AIM2: variants seen among roughly 807,000 people sequenced by gnomAD.
AIM2 encodes the protein interferon-inducible protein AIM2.
Under a neutral mutation model 27.7 loss-of-function variants are expected in AIM2, and 30 were observed. That is an observed-to-expected ratio of 1.08 (90% CI 0.81 to 1.47). The LOEUF (loss-of-function observed/expected upper bound fraction) is 1.47, where lower values mean the gene tolerates loss of function less well. Among genes scored for constraint, AIM2 ranks in the 40% most tolerant of loss-of-function variants. The pLI is 0.00. For missense variants in AIM2, 358 were observed against 411.3 expected, an observed-to-expected ratio of 0.87 and a Z score of 1.12; for synonymous variants, 141 against 145.3, an observed-to-expected ratio of 0.97 and a Z score of 0.21.
chr1:159,142,601 T>TC (rs997353410), upstream of AIM2, among the ~76,000 whole-genome samples: 3 of 152,190 alleles, frequency 2.0e-5, no homozygotes, highest in African/African-American at 4.8e-5. Context: ...CAAGGATTTC[T>TC]CAGCTGTCTG....
At chr1:159,115,113 A>G (rs1341677950) in intron 1 of AIM2, among the ~76,000 whole-genome samples, 6 of 152,192 alleles carry the variant, frequency 3.9e-5, no homozygotes, top group Non-Finnish European at 7.3e-5. Context: ...ATACCTAGGA[A>G]TCCAACTTAC....
chr1:159,075,981 G>C (rs758325549), intron 1 of AIM2, among the ~76,000 whole-genome samples: 1 of 152,088 alleles, frequency 6.6e-6, no homozygotes, highest in African/African-American at 2.4e-5. Flanking sequence ...GTTGGTAAGC[G>C]CTGGAGAAAC....
At chr1:159,128,568 T>A (rs751745935) in intron 1 of AIM2, among the ~76,000 whole-genome samples, 3 of 152,182 alleles carry the variant, frequency 2.0e-5, no homozygotes, top group Non-Finnish European at 4.4e-5. Flanking sequence ...TCTTCACCTC[T>A]ATGGCCTTCC....
intron 1 of AIM2, among the ~76,000 whole-genome samples, chr1:159,130,216 T>C (rs575775505): frequency 5.3e-5 from 8 of 152,324 alleles, no homozygotes; most frequent in Non-Finnish European, 1.2e-4. Flanking sequence ...AAATGATGGG[T>C]TCCTCAGGGC....
At chr1:159,076,057 A>G (rs1656595652) in intron 1 of AIM2, among the ~76,000 whole-genome samples, 2 of 152,314 alleles carry the variant, frequency 1.3e-5, no homozygotes, top group African/African-American at 4.8e-5. Context: ...TTTCAAAATA[A>G]GGAATACATT....
chr1:159,112,673 T>A (rs1242540067), intron 1 of AIM2, among the ~76,000 whole-genome samples: 1 of 152,106 alleles, frequency 6.6e-6, no homozygotes, highest in African/African-American at 2.4e-5. Context: ...TCTAATTTGT[T>A]CCCTAAACCG....
At position 159,073,428 on chromosome 1, in the gene AIM2, C is replaced by T; in HGVS notation, c.72G>A (p.Arg24=). Residue 24 remains arginine, a synonymous_variant, in exon 2 of 6, where the codon AGG becomes AGA. Transcript: ENST00000368130. ...LDNITDEELD[R]FKFFLSDEFN... ...ACTCGTCTGAAAGAAAGAACTTAAA[C>T]CTATCCAGTTCCTCATCAGTGATGT... The T allele has an allele frequency of 1.2e-6, 2 of 1,614,090 alleles. No homozygotes were observed. Among genetic ancestry groups the T allele is most frequent in the Non-Finnish European group, 1.7e-6 (2 of 1,180,012 alleles).
intron 1 of AIM2, among the ~76,000 whole-genome samples, chr1:159,088,061 T>C (rs1656958686): frequency 2.6e-5 from 4 of 152,174 alleles, no homozygotes; most frequent in Admixed American, 2.6e-4. Context: ...AAAGATTTAA[T>C]ATAACTGGTG....
At chr1:159,116,585 A>C (rs1166548348) in intron 1 of AIM2, among the ~76,000 whole-genome samples, 3 of 152,174 alleles carry the variant, frequency 2.0e-5, no homozygotes, top group Non-Finnish European at 4.4e-5. Flanking sequence ...TCACAAGGAC[A>C]AAAAACCAAA....
intron 1 of AIM2, among the ~76,000 whole-genome samples, chr1:159,137,343 T>C (rs1345781629): frequency 1.3e-5 from 2 of 152,166 alleles, no homozygotes; most frequent in Admixed American, 1.3e-4. Context: ...TGATGTATAC[T>C]CCTGAATGAC....
At chr1:159,097,354 T>C in intron 1 of AIM2, among the ~76,000 whole-genome samples, 1 of 152,154 alleles carries the variant, frequency 6.6e-6, no homozygotes, top group East Asian at 1.9e-4. Flanking sequence ...AGGTGAATTA[T>C]TGTCCCCTGG....
intron 1 of AIM2, among the ~76,000 whole-genome samples, chr1:159,121,117 T>C (rs1191432043): frequency 1.3e-5 from 2 of 152,116 alleles, no homozygotes; most frequent in Admixed American, 6.6e-5. Context: ...CAGCACATCA[T>C]AGCAAGCTCT....
At chr1:159,083,782 A>G (rs991674349) in intron 1 of AIM2, among the ~76,000 whole-genome samples, 1 of 152,248 alleles carries the variant, frequency 6.6e-6, no homozygotes, top group South Asian at 2.1e-4. Context: ...GTGAATTTGG[A>G]AAGGTCCAAT....
chr1:159,107,738 C>G (rs180931201), intron 1 of AIM2, among the ~76,000 whole-genome samples: 1 of 152,024 alleles, frequency 6.6e-6, no homozygotes, highest in African/African-American at 2.4e-5. Context: ...ACAGACACCA[C>G]AGAAATACAA....
At chr1:159,082,611 T>A (rs1467566376) in intron 1 of AIM2, among the ~76,000 whole-genome samples, 1 of 152,114 alleles carries the variant, frequency 6.6e-6, no homozygotes, top group African/African-American at 2.4e-5. Context: ...TTTTGCTGTG[T>A]CCTCACATGG....
the AIM2 span, among the ~76,000 whole-genome samples, chr1:159,056,716 G>GAA: frequency 2.4e-4 from 3 of 12,542 alleles, no homozygotes; most frequent in Non-Finnish European, 7.5e-4. Context: ...AGCCCAACCG[G>GAA]CAAAAAAAAA....
chr1:159,130,693 T>C (rs1647847024), intron 1 of AIM2, among the ~76,000 whole-genome samples: 2 of 151,900 alleles, frequency 1.3e-5, no homozygotes, highest in Admixed American at 1.3e-4. Context: ...CCATATCACA[T>C]ATACCCTCAA....
At chr1:159,079,773 T>A (rs543278622), upstream of AIM2, among the ~76,000 whole-genome samples, 4 of 152,282 alleles carry the variant, frequency 2.6e-5, no homozygotes, top group Non-Finnish European at 2.9e-5. Context: ...AAATGTATAA[T>A]GAGTATCCAC....
At chr1:159,141,638 C>T (rs995282577), upstream of AIM2, among the ~76,000 whole-genome samples, 1 of 152,130 alleles carries the variant, frequency 6.6e-6, no homozygotes, top group Non-Finnish European at 1.5e-5. Context: ...GAACCCGGAA[C>T]CTCTGGATTA....
Sources: allele counts gnomAD v4.1 joint callset (sites outside exome capture counted in the v4.1 genomes callset), GRCh38; gene constraint gnomAD v4.1.1; transcripts MANE v1.5; gene names NCBI Gene and HGNC (gene_info 2026-07-23, HGNC 2026-07-21).